The following MTSS1 variants were observed in gnomAD, a reference collection of about 807,000 sequenced individuals.
MTSS1 encodes MTSS I-BAR domain containing 1.
A neutral mutation model predicts 79.0 loss-of-function variants in MTSS1; 18 were observed. The ratio of observed to expected loss-of-function variants is 0.23; its 90% CI spans 0.16 to 0.34. The LOEUF (loss-of-function observed/expected upper bound fraction) is 0.34. MTSS1 is among the 10% of genes least tolerant of loss of function. The probability of loss-of-function intolerance (pLI) is 1.00; values close to 1 mark genes in which losing one functional copy is unlikely to be tolerated. For missense variants in MTSS1, 815 were observed against 986.2 expected (o/e 0.83, Z 2.33); for synonymous variants, 341 against 368.6 (o/e 0.93, Z 0.86).
chr8:124,696,693 A>G (rs144222992), intron 3 of MTSS1, among the ~76,000 whole-genome samples: 5 of 149,552 alleles, frequency 3.3e-5, no homozygotes, highest in Admixed American at 2.6e-4. Flanking sequence ...TCTACTAAAA[A>G]TACAAAAATT....
chr8:124,636,102 G>T lies in MTSS1; in HGVS notation c.209-44867C>A, dbSNP rs576995744. On this transcript the variant is annotated intron_variant, in intron 3 of 13. Transcript: ENST00000518547. Reference sequence around the variant, plus strand: ...AGAGCGCAGCCCTGCCTCAGATATGGGTTCCTGTGCTGGAACCTCAGCTAC... The same window carrying T: ...AGAGCGCAGCCCTGCCTCAGATATGTGTTCCTGTGCTGGAACCTCAGCTAC... 3.3e-5 allele frequency among the ~76,000 whole-genome samples: 5 copies of T among 152,120 alleles called. No individual in the cohort carries two copies. In the South Asian group the frequency reaches 1.0e-3, roughly 32 times the overall value.
chr8:124,631,090 G>C (rs114816702), intron 3 of MTSS1, among the ~76,000 whole-genome samples: 2,130 of 152,280 alleles, frequency 0.014, 47 homozygotes, highest in African/African-American at 0.049. Context: ...CATTTCATTG[G>C]CCTGCACCCT....
chr8:124,707,985 C>T (rs1468287682), intron 1 of MTSS1, among the ~76,000 whole-genome samples: 1 of 152,198 alleles, frequency 6.6e-6, no homozygotes, highest in Non-Finnish European at 1.5e-5. Context: ...CACAGCCCTG[C>T]CAGTCATGGA....
At chr8:124,725,540 G>A (rs1044571353) in intron 1 of MTSS1, among the ~76,000 whole-genome samples, 15 of 152,170 alleles carry the variant, frequency 9.9e-5, no homozygotes, top group African/African-American at 2.2e-4. Context: ...ATGGGTTTCC[G>A]ACATTTACGC....
At chr8:124,640,643 A>G (rs1293712585) in intron 3 of MTSS1, among the ~76,000 whole-genome samples, 1 of 152,162 alleles carries the variant, frequency 6.6e-6, no homozygotes, top group African/African-American at 2.4e-5. Flanking sequence ...TTCTGGGTTC[A>G]AGCTATTCTC....
At chr8:124,626,417 G>C (rs573198884) in intron 3 of MTSS1, among the ~76,000 whole-genome samples, 33 of 152,314 alleles carry the variant, frequency 2.2e-4, no homozygotes, top group African/African-American at 7.7e-4. Context: ...TGGGAGGATA[G>C]CTTGAGCCCA....
Position 124,556,416 on chromosome 8 carries a change from C to T in MTSS1, c.1231-11G>A. ...AGGCTTAGCCCAGTCCTATGCAAAA[C>T]AAGTGCGGTCAGGAGCCAGGGCCTC... On this transcript the variant is annotated splice_polypyrimidine_tract_variant and intron_variant, in intron 11 of 13. Coordinates refer to ENST00000518547, the MANE Select transcript of MTSS1 (RefSeq NM_014751.6). 2 of 1,598,118 alleles carry T rather than the reference C, an allele frequency of 1.3e-6. No individual in the cohort carries two copies. The highest frequency in any genetic ancestry group is 1.7e-6 in the Non-Finnish European group (2 of 1,171,274).
chr8:124,686,855 C>T (rs536897386), intron 3 of MTSS1, among the ~76,000 whole-genome samples: 41 of 152,250 alleles, frequency 2.7e-4, no homozygotes, highest in African/African-American at 8.7e-4. Context: ...GTCACATAGA[C>T]GAGATACACA....
intron 13 of MTSS1, among the ~76,000 whole-genome samples, chr8:124,555,393 C>T (rs1823404264): frequency 6.6e-6 from 1 of 152,124 alleles, no homozygotes; most frequent in Admixed American, 6.6e-5. Flanking sequence ...CTACAGGCGC[C>T]TGCCACCACG....
Position 124,556,253 on chromosome 8 carries a change from C to A in MTSS1, c.1383G>T (p.Met461Ile). Residue 461 changes from methionine to isoleucine, a missense_variant, in exon 12 of 14, where the codon ATG becomes ATT. Coordinates refer to ENST00000518547, the MANE Select transcript of MTSS1 (RefSeq NM_014751.6). ...AAEEAQRPRS[M>I]TVSAATRPGE... ...TCACCCTGGTGGCAGCCGATACAGT[C>A]ATGCTCCGTGGTCTCTGAGCCTCCT... The A allele has an allele frequency of 6.2e-7, 1 of 1,614,220 alleles. No individual in the cohort carries two copies. Among genetic ancestry groups the A allele is most frequent in the South Asian group, 1.1e-5 (1 of 91,078 alleles).
Position 124,568,433 on chromosome 8 carries a change from C to G in MTSS1, c.564G>C (p.Leu188Phe). ...ETEKQAVRKA[L>F]IEERGRFCTF... is the part of the protein sequence containing the mutation. The stretch of plus-strand genomic sequence containing the variant: ...TACAGAATCGGCCACGTTCTTCAAT[C>G]AAAGCCTTCCGGACAGCCTGCTTTT... The change falls in exon 7 of 14, where the codon TTG becomes TTC. Residue 188 changes from leucine (L) to phenylalanine (F), a missense_variant. Transcript: ENST00000518547. 1 of 1,614,218 alleles carries G rather than the reference C, an allele frequency of 6.2e-7. No individual in the cohort carries two copies. Among genetic ancestry groups the G allele is most frequent in the Non-Finnish European group, 8.5e-7 (1 of 1,180,042 alleles).
At chr8:124,579,347 C>T (rs1268045318) in intron 6 of MTSS1, among the ~76,000 whole-genome samples, 2 of 151,998 alleles carry the variant, frequency 1.3e-5, no homozygotes, top group Non-Finnish European at 2.9e-5. Flanking sequence ...TCAGGGTCAG[C>T]GTGGGTGGGG....
chr8:124,656,835 T>C (rs1323358702), intron 3 of MTSS1, among the ~76,000 whole-genome samples: 1 of 149,694 alleles, frequency 6.7e-6, no homozygotes, highest in African/African-American at 2.5e-5. Flanking sequence ...ATGGAGTTGC[T>C]CCTTCAGAGC....
intron 1 of MTSS1, among the ~76,000 whole-genome samples, chr8:124,712,847 A>G (rs894531360): frequency 2.0e-5 from 3 of 152,036 alleles, no homozygotes; most frequent in Non-Finnish European, 4.4e-5. Flanking sequence ...CTCCCCTTAC[A>G]AACTGCTCCA....
chr8:124,693,277 A>G lies in MTSS1; in HGVS notation c.208+6249T>C, dbSNP rs568536476. ...GGAGATGTCATCGGACAGGTGGGTT[A>G]TGGCAAGATGGCAAGAGGCTTTACA... On this transcript the variant is annotated intron_variant, in intron 3 of 13. Coordinates refer to ENST00000518547, the MANE Select transcript of MTSS1 (RefSeq NM_014751.6). Among the ~76,000 whole-genome samples, 20 of 152,270 alleles carry G rather than the reference A, an allele frequency of 1.3e-4. 1 individual carries two copies. In the South Asian group the frequency reaches 4.1e-3, roughly 32 times the overall value.
intron 1 of MTSS1, among the ~76,000 whole-genome samples, chr8:124,726,757 C>T (rs1169443921): frequency 1.3e-5 from 2 of 152,200 alleles, no homozygotes; most frequent in Non-Finnish European, 2.9e-5. Flanking sequence ...CACACCCACT[C>T]GGTGCACAGC....
intron 1 of MTSS1, among the ~76,000 whole-genome samples, chr8:124,714,687 T>C (rs972727925): frequency 1.1e-4 from 16 of 152,146 alleles, no homozygotes; most frequent in South Asian, 4.2e-4. Flanking sequence ...GGCCTTGAAC[T>C]CCTGACCTCA....
intron 4 of MTSS1, among the ~76,000 whole-genome samples, chr8:124,590,519 G>C (rs572973638): frequency 6.6e-6 from 1 of 152,184 alleles, no homozygotes; most frequent in South Asian, 2.1e-4. Context: ...TGCCAGCCTC[G>C]GGGTTACTGA....
At chr8:124,676,841 T>C (rs1455305037) in intron 3 of MTSS1, among the ~76,000 whole-genome samples, 1 of 152,104 alleles carries the variant, frequency 6.6e-6, no homozygotes, top group African/African-American at 2.4e-5. Context: ...CCCAGTCCCA[T>C]CAATCAGCCA....
Sources: allele counts gnomAD v4.1 joint callset (sites outside exome capture counted in the v4.1 genomes callset), GRCh38; gene constraint gnomAD v4.1.1; transcripts MANE v1.5; gene names NCBI Gene and HGNC (gene_info 2026-07-23, HGNC 2026-07-21).